The following MGARP variants were observed in gnomAD, a reference collection of about 807,000 sequenced individuals.
MGARP encodes mitochondria localized glutamic acid rich protein.
In MGARP, 12 loss-of-function variants were observed where a neutral mutation model predicts 11.0. The ratio of observed to expected loss-of-function variants is 1.09; its 90% CI spans 0.70 to 1.77. The LOEUF is 1.77. MGARP is among the 40% of genes most tolerant of loss of function. The pLI is 0.00. For synonymous variants in MGARP, 110 were observed against 115.4 expected (o/e 0.95, Z 0.30); for missense variants, 283 against 297.8 (o/e 0.95, Z 0.36).
intron 2 of MGARP, among the ~76,000 whole-genome samples, chr4:139,273,549 C>T (rs1175131735): frequency 8.0e-5 from 11 of 136,936 alleles, no homozygotes; most frequent in South Asian, 2.4e-4. Context: ...GAGTCTGGCT[C>T]TCTCACCCAG....
At chr4:139,279,467 CT>C (rs1466672200) in intron 1 of MGARP, among the ~76,000 whole-genome samples, 1 of 152,168 alleles carries the variant, frequency 6.6e-6, no homozygotes, top group Non-Finnish European at 1.5e-5. Flanking sequence ...AGGCCGCTTC[CT>C]TTTTGGGGGT....
intron 1 of MGARP, 86 bp downstream of exon 1, chr4:139,279,991 A>G: frequency 1.4e-6 from 2 of 1,457,456 alleles, no homozygotes; most frequent in Non-Finnish European, 1.9e-6. Context: ...GGTTTGGCCA[A>G]CTGGGTGCCG....
rs759433558 is a variant in MGARP, at chr4:139,268,687, T to A, written c.265A>T (p.Ile89Leu). ...TNLKEKTKAE[I>L]HPFQGEKENV... ...ATTCATTTACCTTGAAATGGATGTA[T>A]CTCTGCTTTTGTTTTTTCTTTCAAA... Residue 89 changes from isoleucine (I) to leucine (L), a missense_variant, in exon 3 of 4, where the codon ATA (isoleucine) becomes TTA (leucine). Physicochemically the swap from Ile to Leu is conservative, Grantham distance 5. Coordinates refer to ENST00000398955, the MANE Select transcript of MGARP (RefSeq NM_032623.4). 24 of 1,605,672 alleles carry A rather than the reference T, an allele frequency of 1.5e-5. No individual in the cohort carries two copies. Among genetic ancestry groups the A allele is most frequent in the Non-Finnish European group, 2.0e-5 (23 of 1,175,984 alleles).
In MGARP at chr4:139,268,666, AT is replaced by A; in HGVS notation, c.280+5del. The A allele has an allele frequency of 6.4e-7, 1 of 1,562,196 alleles. No homozygotes were observed. The highest frequency in any genetic ancestry group is 8.7e-7 in the Non-Finnish European group (1 of 1,151,440). On this transcript the variant is annotated splice_donor_5th_base_variant and intron_variant, in intron 3 of 3. Transcript: ENST00000398955. ...ATAAAAATAAAAAATTAAGAAATTCATTTACCTTGAAATGGATGTATCTCTG... is the reference window on the plus strand; with the variant it reads ...ATAAAAATAAAAAATTAAGAAATTCATTACCTTGAAATGGATGTATCTCTG...
At chr4:139,271,247 C>T (rs1332107663) in intron 2 of MGARP, among the ~76,000 whole-genome samples, 4 of 152,052 alleles carry the variant, frequency 2.6e-5, no homozygotes, top group Non-Finnish European at 4.4e-5. Flanking sequence ...CAGACCAGGC[C>T]GGGCATGGTG....
At chr4:139,275,975 A>T (rs1010882936) in intron 1 of MGARP, among the ~76,000 whole-genome samples, 1 of 152,200 alleles carries the variant, frequency 6.6e-6, no homozygotes, top group Non-Finnish European at 1.5e-5. Context: ...GAAAGGTTGT[A>T]TCTGAAATAG....
At chr4:139,276,689 A>G (rs1388875810) in intron 1 of MGARP, among the ~76,000 whole-genome samples, 1 of 152,082 alleles carries the variant, frequency 6.6e-6, no homozygotes, top group Admixed American at 6.5e-5. Context: ...CTACAAAAAA[A>G]TTTTATAATA....
chr4:139,270,298 C>CAAAAA (rs963066917), intron 2 of MGARP, among the ~76,000 whole-genome samples: 1 of 66,438 alleles, frequency 1.5e-5, no homozygotes. Flanking sequence ...AACTCCGTCT[C>CAAAAA]AAAAAAAAAA....
At chr4:139,269,645 A>C (rs1174300724) in intron 2 of MGARP, among the ~76,000 whole-genome samples, 4 of 151,608 alleles carry the variant, frequency 2.6e-5, no homozygotes, top group Non-Finnish European at 5.9e-5. Flanking sequence ...AAAAAAAAAA[A>C]AAGAAAAAAG....
intron 1 of MGARP, 127 bp downstream of exon 1, chr4:139,279,950 C>T: frequency 2.1e-6 from 2 of 969,682 alleles, no homozygotes; most frequent in Non-Finnish European, 3.1e-6. Context: ...TCTCCTCGAC[C>T]TCCAATCCAG....
At chr4:139,278,853 G>C (rs1478140916) in intron 1 of MGARP, among the ~76,000 whole-genome samples, 1 of 152,106 alleles carries the variant, frequency 6.6e-6, no homozygotes, top group Non-Finnish European at 1.5e-5. Context: ...TCTTATTTCT[G>C]ATACTTGAGG....
At chr4:139,270,155 C>A (rs1744755784) in intron 2 of MGARP, among the ~76,000 whole-genome samples, 1 of 151,508 alleles carries the variant, frequency 6.6e-6, no homozygotes, top group South Asian at 2.1e-4. Flanking sequence ...ACAAAATTAG[C>A]CGGGCGTGGT....
chr4:139,269,951 A>G (rs1353468865), intron 2 of MGARP, among the ~76,000 whole-genome samples: 1 of 152,204 alleles, frequency 6.6e-6, no homozygotes, highest in Non-Finnish European at 1.5e-5. Flanking sequence ...TAAAAATTGT[A>G]CTACTTAATT....
chr4:139,271,565 A>G (rs1463953574), intron 2 of MGARP, among the ~76,000 whole-genome samples: 1 of 152,176 alleles, frequency 6.6e-6, no homozygotes, highest in African/African-American at 2.4e-5. Flanking sequence ...TCAGATTCCA[A>G]TGACCCCTAA....
intron 2 of MGARP, among the ~76,000 whole-genome samples, chr4:139,274,081 T>C (rs1201768615): frequency 6.6e-6 from 1 of 152,152 alleles, no homozygotes; most frequent in Non-Finnish European, 1.5e-5. Context: ...AATAAAACTG[T>C]GTGAAAATTT....
intron 2 of MGARP, among the ~76,000 whole-genome samples, chr4:139,270,206 A>G (rs1212637399): frequency 6.6e-6 from 1 of 151,468 alleles, no homozygotes; most frequent in African/African-American, 2.4e-5. Context: ...AGGCTGAGGC[A>G]GGAGAATCAC....
chr4:139,270,888 C>T (rs1467709420), intron 2 of MGARP, among the ~76,000 whole-genome samples: 1 of 152,106 alleles, frequency 6.6e-6, no homozygotes, highest in Non-Finnish European at 1.5e-5. Context: ...CGAACCAGTA[C>T]ACAAGTTCAC....
At chr4:139,273,230 T>C (rs1193103705) in intron 2 of MGARP, among the ~76,000 whole-genome samples, 1 of 151,640 alleles carries the variant, frequency 6.6e-6, no homozygotes, top group African/African-American at 2.4e-5. Flanking sequence ...TTTATTATTA[T>C]TTTTTTTGAG....
intron 2 of MGARP, among the ~76,000 whole-genome samples, chr4:139,273,271 G>A (rs1744814234): frequency 6.6e-6 from 1 of 151,822 alleles, no homozygotes; most frequent in Non-Finnish European, 1.5e-5. Flanking sequence ...CCAGGCTTGA[G>A]TGCAGTGGTG....
Sources: gnomAD v4.1 joint callset for allele counts (sites outside exome capture counted in the v4.1 genomes callset) on GRCh38, gnomAD v4.1.1 for gene constraint, MANE v1.5 for transcripts, NCBI Gene and HGNC (gene_info 2026-07-23, HGNC 2026-07-21) for gene names.